The following STXBP5L variants were observed in gnomAD, a reference collection of about 807,000 sequenced individuals.
STXBP5L encodes syntaxin binding protein 5L.
A neutral mutation model predicts 144.5 loss-of-function variants in STXBP5L; 65 were observed. That is an observed-to-expected ratio of 0.45 (90% CI 0.37 to 0.55). STXBP5L has a LOEUF of 0.55. Ranked by LOEUF, STXBP5L falls within the 20% of genes least tolerant of loss-of-function variation. The pLI is 0.00. For synonymous variants in STXBP5L, 505 were observed against 469.6 expected (o/e 1.08, Z -0.97); for missense variants, 1,298 against 1,405.5 (o/e 0.92, Z 1.22).
At chr3:120,976,015 T>C (rs1453147034) in intron 3 of STXBP5L, among the ~76,000 whole-genome samples, 2 of 151,720 alleles carry the variant, frequency 1.3e-5, no homozygotes. Flanking sequence ...CTTTTTTTTG[T>C]TGTGTCTCTG....
intron 14 of STXBP5L, among the ~76,000 whole-genome samples, chr3:121,246,623 G>T (rs1176338248): frequency 1.3e-5 from 2 of 152,068 alleles, no homozygotes; most frequent in African/African-American, 4.8e-5. Flanking sequence ...TATAATTAGA[G>T]TAAACATACA....
intron 5 of STXBP5L, among the ~76,000 whole-genome samples, chr3:121,093,706 A>G (rs1407253951): frequency 1.3e-5 from 2 of 151,206 alleles, no homozygotes; most frequent in African/African-American, 4.9e-5. Flanking sequence ...AATTTTGTTG[A>G]TCCTTTCAAA....
At chr3:121,129,873 C>T (rs1330722233) in intron 7 of STXBP5L, among the ~76,000 whole-genome samples, 1 of 151,872 alleles carries the variant, frequency 6.6e-6, no homozygotes, top group Non-Finnish European at 1.5e-5. Context: ...GATCCAGGGG[C>T]CTGTACCAGA....
chr3:121,168,859 C>T (rs1380476553), intron 9 of STXBP5L, among the ~76,000 whole-genome samples: 2 of 151,982 alleles, frequency 1.3e-5, no homozygotes, highest in African/African-American at 2.4e-5. Flanking sequence ...AGATACTCCT[C>T]GAGAAGAGCA....
intron 25 of STXBP5L, among the ~76,000 whole-genome samples, chr3:121,416,294 T>C (rs1375217635): frequency 6.6e-6 from 1 of 151,620 alleles, no homozygotes; most frequent in Non-Finnish European, 1.5e-5. Flanking sequence ...TTCAAAAAAG[T>C]CTGGAAAAAA....
At chr3:121,100,085 C>G (rs570201960) in intron 5 of STXBP5L, among the ~76,000 whole-genome samples, 9 of 152,186 alleles carry the variant, frequency 5.9e-5, no homozygotes, top group African/African-American at 2.2e-4. Context: ...AATTGGAGCA[C>G]CCAGATTTAT....
intron 7 of STXBP5L, among the ~76,000 whole-genome samples, chr3:121,141,349 G>A (rs963951544): frequency 6.6e-6 from 1 of 152,030 alleles, no homozygotes; most frequent in Non-Finnish European, 1.5e-5. Context: ...GTTGCGGTGA[G>A]CTGAGATTGT....
At chr3:121,262,334 C>T (rs769295648) in intron 18 of STXBP5L, among the ~76,000 whole-genome samples, 1 of 152,182 alleles carries the variant, frequency 6.6e-6, no homozygotes, top group Non-Finnish European at 1.5e-5. Context: ...AAAGTCTCAT[C>T]AAAATATCAT....
chr3:121,087,310 T>C (rs1036684247), intron 5 of STXBP5L, among the ~76,000 whole-genome samples: 4 of 152,086 alleles, frequency 2.6e-5, no homozygotes, highest in African/African-American at 9.6e-5. Flanking sequence ...CATGGATTTC[T>C]TTTTCCTCCT....
intron 20 of STXBP5L, among the ~76,000 whole-genome samples, chr3:121,345,401 C>G (rs1258410360): frequency 2.0e-5 from 3 of 152,048 alleles, no homozygotes; most frequent in Admixed American, 6.6e-5. Context: ...CTTAATTCAG[C>G]CTATCATCGA....
At chr3:120,970,534 C>T (rs1940128123) in intron 3 of STXBP5L, among the ~76,000 whole-genome samples, 1 of 152,076 alleles carries the variant, frequency 6.6e-6, no homozygotes, top group African/African-American at 2.4e-5. Flanking sequence ...GCTGAGAAAT[C>T]TGCTGCAATC....
chr3:121,391,392 C>T (rs954530991), intron 22 of STXBP5L, among the ~76,000 whole-genome samples: 15 of 152,278 alleles, frequency 9.9e-5, no homozygotes, highest in African/African-American at 3.4e-4. Context: ...CTTCTGTCAA[C>T]TTGTCAAAGT....
At chr3:121,212,985 G>A (rs1217747999) in intron 10 of STXBP5L, among the ~76,000 whole-genome samples, 1 of 152,130 alleles carries the variant, frequency 6.6e-6, no homozygotes, top group Non-Finnish European at 1.5e-5. Context: ...AATTGTGAAT[G>A]TAAGTTCACT....
chr3:121,401,573 G>T (rs1362178614), intron 22 of STXBP5L, among the ~76,000 whole-genome samples: 1 of 141,430 alleles, frequency 7.1e-6, no homozygotes, highest in African/African-American at 2.7e-5. Flanking sequence ...CATAAAAAAT[G>T]ATGAGTTCAT....
intron 10 of STXBP5L, among the ~76,000 whole-genome samples, chr3:121,207,378 C>T (rs1459349806): frequency 6.6e-6 from 1 of 152,006 alleles, no homozygotes; most frequent in Admixed American, 6.6e-5. Flanking sequence ...CCATAAAAAC[C>T]CTAGAAGAAA....
At chr3:121,073,761 C>G (rs1030379363) in intron 5 of STXBP5L, among the ~76,000 whole-genome samples, 1 of 152,016 alleles carries the variant, frequency 6.6e-6, no homozygotes, top group Admixed American at 6.6e-5. Flanking sequence ...TTGCCAAAAG[C>G]GAGTAATTTG....
chr3:121,029,994 G>C (rs938913137), intron 3 of STXBP5L, among the ~76,000 whole-genome samples: 2 of 152,142 alleles, frequency 1.3e-5, no homozygotes, highest in African/African-American at 4.8e-5. Flanking sequence ...TCTCATGCCA[G>C]TTACAATGGT....
chr3:120,944,710 C>CT (rs1298223700), intron 2 of STXBP5L, among the ~76,000 whole-genome samples: 3 of 151,658 alleles, frequency 2.0e-5, no homozygotes, highest in Non-Finnish European at 4.4e-5. Flanking sequence ...AACAATCTTA[C>CT]TTTTTTATTT....
intron 19 of STXBP5L, among the ~76,000 whole-genome samples, chr3:121,300,913 G>T (rs928645192): frequency 6.6e-6 from 1 of 152,022 alleles, no homozygotes; most frequent in Non-Finnish European, 1.5e-5. Context: ...AAAGATGCAC[G>T]TTAATTATAA....
Sources: gnomAD v4.1 joint callset for allele counts (sites outside exome capture counted in the v4.1 genomes callset) on GRCh38, gnomAD v4.1.1 for gene constraint, MANE v1.5 for transcripts, NCBI Gene and HGNC (gene_info 2026-07-23, HGNC 2026-07-21) for gene names.